DNM3: variants seen among roughly 807,000 people sequenced by gnomAD.
The protein encoded by DNM3 is dynamin 3.
A neutral mutation model predicts 101.6 loss-of-function variants in DNM3; 47 were observed. The ratio of observed to expected loss-of-function variants is 0.46; its 90% CI spans 0.37 to 0.59. The LOEUF (loss-of-function observed/expected upper bound fraction) is 0.59, where lower values mean the gene tolerates loss of function less well. Ranked by LOEUF, DNM3 falls within the 20% of genes least tolerant of loss-of-function variation. DNM3 has a pLI of 0.00. For missense variants in DNM3, 849 were observed against 1,085.7 expected, an observed-to-expected ratio of 0.78 and a Z score of 3.06; for synonymous variants, 385 against 387.9, an observed-to-expected ratio of 0.99 and a Z score of 0.09.
At chr1:171,992,976 C>T (rs954171183) in intron 4 of DNM3, among the ~76,000 whole-genome samples, 3 of 151,936 alleles carry the variant, frequency 2.0e-5, no homozygotes, top group African/African-American at 7.2e-5. Flanking sequence ...TAATACACAG[C>T]ATTTTGCTCC....
chr1:172,220,244 A>G, intron 14 of DNM3, among the ~76,000 whole-genome samples: 1 of 152,298 alleles, frequency 6.6e-6, no homozygotes, highest in African/African-American at 2.4e-5. Flanking sequence ...GTTAAACCCT[A>G]AAGTTGAGCC....
chr1:172,165,684 C>T (rs776022248), intron 14 of DNM3, among the ~76,000 whole-genome samples: 1 of 152,026 alleles, frequency 6.6e-6, no homozygotes, highest in South Asian at 2.1e-4. Flanking sequence ...GAAGTCTTCC[C>T]GGATCACCTC....
intron 14 of DNM3, among the ~76,000 whole-genome samples, chr1:172,132,096 G>T (rs888306443): frequency 6.6e-6 from 1 of 152,112 alleles, no homozygotes; most frequent in African/African-American, 2.4e-5. Context: ...GCAAACATTA[G>T]ATAAGGATAC....
intron 1 of DNM3, among the ~76,000 whole-genome samples, chr1:171,854,551 C>T (rs184480411): frequency 7.0e-4 from 106 of 152,090 alleles, no homozygotes; most frequent in African/African-American, 2.4e-3. Flanking sequence ...AGTGCAGTGG[C>T]GGGATCTCAG....
intron 14 of DNM3, chr1:172,142,253 A>ATAAAAT (rs2057623130): frequency 6.6e-6 from 1 of 152,028 alleles, no homozygotes; most frequent in Non-Finnish European, 1.5e-5. Flanking sequence ...TAATATGAAA[A>ATAAAAT]TAAAATTAAA....
At chr1:172,296,869 A>G (rs1340755050) in intron 15 of DNM3, among the ~76,000 whole-genome samples, 5 of 152,180 alleles carry the variant, frequency 3.3e-5, no homozygotes, top group Non-Finnish European at 7.4e-5. Flanking sequence ...TTGGCCGGGC[A>G]CAGTGGCTCA....
chr1:171,949,203 C>T (rs562871264), intron 2 of DNM3, among the ~76,000 whole-genome samples: 3 of 152,062 alleles, frequency 2.0e-5, no homozygotes, highest in Admixed American at 1.3e-4. Flanking sequence ...TCCACCAATA[C>T]CTACTTCTAG....
At chr1:171,957,433 T>C (rs1176487630) in intron 2 of DNM3, among the ~76,000 whole-genome samples, 1 of 152,026 alleles carries the variant, frequency 6.6e-6, no homozygotes, top group Non-Finnish European at 1.5e-5. Context: ...CTCCTGACCT[T>C]GTGATCTGCC....
At chr1:171,913,361 T>A (rs370615448) in intron 1 of DNM3, among the ~76,000 whole-genome samples, 6 of 152,232 alleles carry the variant, frequency 3.9e-5, no homozygotes, top group African/African-American at 1.2e-4. Flanking sequence ...GAGTACTTCA[T>A]ATTATAGAGT....
At chr1:172,354,482 G>A (rs865862030) in intron 17 of DNM3, among the ~76,000 whole-genome samples, 1 of 152,088 alleles carries the variant, frequency 6.6e-6, no homozygotes, top group South Asian at 2.1e-4. Context: ...AGATTCTCTG[G>A]GGACTTTCCC....
At chr1:171,927,082 A>G (rs2040630282) in intron 2 of DNM3, among the ~76,000 whole-genome samples, 1 of 152,208 alleles carries the variant, frequency 6.6e-6, no homozygotes, top group African/African-American at 2.4e-5. Context: ...AAAGGCATCT[A>G]CCCTGGAAAG....
intron 14 of DNM3, among the ~76,000 whole-genome samples, chr1:172,193,534 C>G (rs1190348903): frequency 6.6e-6 from 1 of 152,202 alleles, no homozygotes; most frequent in Admixed American, 6.6e-5. Context: ...GCCTCAATTT[C>G]AGAACTTGTT....
At chr1:172,299,000 T>C (rs1462144874) in intron 15 of DNM3, among the ~76,000 whole-genome samples, 2 of 151,742 alleles carry the variant, frequency 1.3e-5, no homozygotes, top group African/African-American at 2.4e-5. Flanking sequence ...AGGGGAAAAA[T>C]GTATGACAGA....
At chr1:171,850,266 C>G (rs1034733028) in intron 1 of DNM3, among the ~76,000 whole-genome samples, 1 of 152,152 alleles carries the variant, frequency 6.6e-6, no homozygotes, top group African/African-American at 2.4e-5. Flanking sequence ...GATTCATATT[C>G]TGATTTGATT....
intron 10 of DNM3, among the ~76,000 whole-genome samples, chr1:172,057,155 A>G (rs1482502440): frequency 1.3e-5 from 2 of 152,140 alleles, no homozygotes; most frequent in East Asian, 1.9e-4. Flanking sequence ...AAAAGAATAA[A>G]AAGAAACGAG....
chr1:172,013,120 AT>A (rs1314998381), intron 4 of DNM3, among the ~76,000 whole-genome samples: 2 of 151,888 alleles, frequency 1.3e-5, no homozygotes, highest in South Asian at 2.1e-4. Context: ...CTCTATATTG[AT>A]TTTTTTCATT....
At chr1:172,142,378 G>A (rs1266056670) in intron 14 of DNM3, among the ~76,000 whole-genome samples, 1 of 152,060 alleles carries the variant, frequency 6.6e-6, no homozygotes, top group Non-Finnish European at 1.5e-5. Context: ...TATAAAATGA[G>A]CTTTTACCTT....
intron 20 of DNM3, among the ~76,000 whole-genome samples, chr1:172,399,547 T>C (rs756460092): frequency 4.0e-4 from 61 of 152,284 alleles, no homozygotes; most frequent in Non-Finnish European, 1.8e-4. Context: ...TTGGCTTCCT[T>C]GGCTTCTCAC....
At chr1:172,398,768 G>A (rs1056395085) in intron 20 of DNM3, among the ~76,000 whole-genome samples, 16 of 152,120 alleles carry the variant, frequency 1.1e-4, no homozygotes, top group Non-Finnish European at 2.1e-4. Flanking sequence ...AAAGACATAT[G>A]GTTTTCATAG....
Sources: gnomAD v4.1 joint callset for allele counts (sites outside exome capture counted in the v4.1 genomes callset) on GRCh38, gnomAD v4.1.1 for gene constraint, MANE v1.5 for transcripts, NCBI Gene and HGNC (gene_info 2026-07-23, HGNC 2026-07-21) for gene names.